Variants in PLXNA2 observed in about 807,000 individuals in gnomAD.
PLXNA2 encodes plexin-A2.
In PLXNA2, 91 loss-of-function variants were observed where a neutral mutation model predicts 193.5. The observed-to-expected ratio is 0.47, with a 90% CI of 0.40 to 0.56. PLXNA2 has a LOEUF of 0.56. Among genes scored for constraint, PLXNA2 ranks in the 20% least tolerant of loss-of-function variants. The probability of loss-of-function intolerance (pLI) is 0.00; values close to 1 mark genes in which losing one functional copy is unlikely to be tolerated. For synonymous variants in PLXNA2, 997 were observed against 1,027.3 expected, an observed-to-expected ratio of 0.97 and a Z score of 0.56; for missense variants, 1,995 against 2,503.2, an observed-to-expected ratio of 0.80 and a Z score of 4.33.
chr1:208,232,164 G>A (rs1482846495), intron 1 of PLXNA2, among the ~76,000 whole-genome samples: 1 of 152,208 alleles, frequency 6.6e-6, no homozygotes, highest in Non-Finnish European at 1.5e-5. Flanking sequence ...ATGGCCCCAG[G>A]GGCTTGCACA....
At position 208,109,634 on chromosome 1, in the gene PLXNA2, G is replaced by A. The variant is rs1358012888; in HGVS notation, c.1507-6387C>T. Among the ~76,000 whole-genome samples the A allele has an allele frequency of 5.1e-4, 77 of 152,204 alleles. 1 individual carries two copies. The highest frequency in any genetic ancestry group is 5.0e-3 in the Admixed American group (77 of 15,288). Reference sequence around the variant, plus strand: ...TCACTGGATCTACTGAGAAATTAAGGCCCCCAAAGAGCGCTTAAGTCCTCA... The same window carrying A: ...TCACTGGATCTACTGAGAAATTAAGACCCCCAAAGAGCGCTTAAGTCCTCA... On this transcript the variant is annotated intron_variant, in intron 4 of 31. Transcript: ENST00000367033.
At chr1:208,193,812 A>C (rs893326848) in intron 3 of PLXNA2, among the ~76,000 whole-genome samples, 27 of 152,172 alleles carry the variant, frequency 1.8e-4, no homozygotes, top group African/African-American at 5.8e-4. Context: ...AGGACTGCTT[A>C]AGCACAAGAG....
chr1:208,083,671 A>G (rs1666418956), intron 10 of PLXNA2, among the ~76,000 whole-genome samples: 2 of 150,572 alleles, frequency 1.3e-5, no homozygotes. Flanking sequence ...TCTCCAGCTG[A>G]CCCCCCACAG....
At chr1:208,060,937 G>C in intron 12 of PLXNA2, 100 bp from the exon 13 acceptor site, 1 of 1,008,014 alleles carries the variant, frequency 9.9e-7, no homozygotes, top group Non-Finnish European at 1.5e-6. Context: ...ACCTCCATAG[G>C]TTCTTAAATT....
At chr1:208,142,549 C>G (rs1392429556) in intron 3 of PLXNA2, 86 bp from the exon 4 acceptor site, 4 of 1,350,200 alleles carry the variant, frequency 3.0e-6, no homozygotes, top group Non-Finnish European at 3.9e-6. Flanking sequence ...AGGTAGCTTA[C>G]AGAAGACCAT....
chr1:208,074,415 T>C (rs1297503191), intron 12 of PLXNA2, among the ~76,000 whole-genome samples: 1 of 152,118 alleles, frequency 6.6e-6, no homozygotes, highest in Non-Finnish European at 1.5e-5. Context: ...AGGCCTCCCA[T>C]GGGGGACAGC....
chr1:208,031,928 G>A, intron 28 of PLXNA2, 169 bp from the exon 29 acceptor site: 1 of 937,688 alleles, frequency 1.1e-6, no homozygotes, highest in Non-Finnish European at 1.3e-6. Context: ...AGCTGGGGAG[G>A]TGGGAGAAAC....
chr1:208,115,447 T>C (rs1303497089), intron 4 of PLXNA2, among the ~76,000 whole-genome samples: 1 of 152,152 alleles, frequency 6.6e-6, no homozygotes, highest in Non-Finnish European at 1.5e-5. Flanking sequence ...ACAGAGAGTC[T>C]CAGTGAAGTT....
intron 4 of PLXNA2, among the ~76,000 whole-genome samples, chr1:208,106,860 C>T (rs1468522892): frequency 1.3e-5 from 2 of 152,054 alleles, no homozygotes; most frequent in African/African-American, 2.4e-5. Flanking sequence ...TGTGTCCGGG[C>T]CTTAAAAGGT....
At chr1:208,091,276 A>G (rs1244223832) in intron 9 of PLXNA2, among the ~76,000 whole-genome samples, 2 of 152,302 alleles carry the variant, frequency 1.3e-5, no homozygotes, top group East Asian at 3.9e-4. Context: ...ATAAACTAAG[A>G]AGAGTTCAAA....
intron 3 of PLXNA2, among the ~76,000 whole-genome samples, chr1:208,179,826 G>T (rs1373670015): frequency 6.6e-6 from 1 of 152,198 alleles, no homozygotes; most frequent in Admixed American, 6.5e-5. Context: ...CTCAAGGAGA[G>T]AAAAGGTCAT....
At chr1:208,199,545 A>C (rs1056892746) in intron 3 of PLXNA2, among the ~76,000 whole-genome samples, 3 of 151,868 alleles carry the variant, frequency 2.0e-5, no homozygotes, top group African/African-American at 7.3e-5. Context: ...ACAAAAATTA[A>C]CTGGGCGTGG....
intron 1 of PLXNA2, among the ~76,000 whole-genome samples, chr1:208,235,623 G>A (rs1396029441): frequency 6.6e-6 from 1 of 152,190 alleles, no homozygotes; most frequent in African/African-American, 2.4e-5. Context: ...CCGGTCAACA[G>A]GTGAGAAATC....
chr1:208,137,165 C>A (rs1218769677), intron 4 of PLXNA2, among the ~76,000 whole-genome samples: 1 of 152,188 alleles, frequency 6.6e-6, no homozygotes, highest in Non-Finnish European at 1.5e-5. Flanking sequence ...CAAACACACA[C>A]ACCCATCACC....
At chr1:208,086,789 C>CAAA (rs11355579) in intron 9 of PLXNA2, among the ~76,000 whole-genome samples, 42 of 125,832 alleles carry the variant, frequency 3.3e-4, no homozygotes, top group South Asian at 8.2e-4. Context: ...TATTTATAGC[C>CAAA]AAAAAAAAAA....
At chr1:208,180,341 T>C (rs1334498703) in intron 3 of PLXNA2, among the ~76,000 whole-genome samples, 3 of 152,094 alleles carry the variant, frequency 2.0e-5, no homozygotes, top group African/African-American at 7.2e-5. Context: ...GGGGCTCCGG[T>C]AGGAGGCCTG....
At chr1:208,125,538 A>T (rs17011998) in intron 4 of PLXNA2, among the ~76,000 whole-genome samples, 2,796 of 152,306 alleles carry the variant, frequency 0.018, 76 homozygotes, top group African/African-American at 0.061. Flanking sequence ...TTTCTCCATT[A>T]ATCTGGGCAT....
At chr1:208,088,907 G>A (rs1452214576) in intron 9 of PLXNA2, among the ~76,000 whole-genome samples, 1 of 152,158 alleles carries the variant, frequency 6.6e-6, no homozygotes, top group African/African-American at 2.4e-5. Context: ...TTGAAAAATT[G>A]TCTCTGAATC....
intron 17 of PLXNA2, 121 bp from the exon 18 acceptor site, chr1:208,046,238 C>T: frequency 7.8e-7 from 1 of 1,290,072 alleles, no homozygotes. Flanking sequence ...ACTTGCTTGT[C>T]TCCATTCCAT....
Sources: gnomAD v4.1 joint callset for allele counts (sites outside exome capture counted in the v4.1 genomes callset) on GRCh38, gnomAD v4.1.1 for gene constraint, MANE v1.5 for transcripts, NCBI Gene and HGNC (gene_info 2026-07-23, HGNC 2026-07-21) for gene names.